Variants in MTFR2 observed in about 807,000 individuals in gnomAD.
MTFR2 encodes the protein mitochondrial fission regulator 2.
A neutral mutation model predicts 41.2 loss-of-function variants in MTFR2; 44 were observed. That is an observed-to-expected ratio of 1.07 (90% confidence interval 0.84 to 1.37). MTFR2 has a LOEUF of 1.37. Among genes scored for constraint, MTFR2 ranks in the 40% most tolerant of loss-of-function variants. The pLI is 0.00. For missense variants in MTFR2, 452 were observed against 459.5 expected, an observed-to-expected ratio of 0.98 and a Z score of 0.15; for synonymous variants, 141 against 154.6, an observed-to-expected ratio of 0.91 and a Z score of 0.65.
intron 1 of MTFR2, among the ~76,000 whole-genome samples, chr6:136,249,606 T>A (rs983450815): frequency 1.1e-4 from 16 of 152,024 alleles, no homozygotes; most frequent in African/African-American, 3.9e-4. Context: ...GTGTCAAGGG[T>A]GGGGCCAGGT....
At chr6:136,240,904 A>C (rs558482351) in intron 5 of MTFR2, among the ~76,000 whole-genome samples, 1 of 152,176 alleles carries the variant, frequency 6.6e-6, no homozygotes, top group Non-Finnish European at 1.5e-5. Flanking sequence ...ATCCTGGCTA[A>C]CACGGTGAAA....
Position 136,239,751 on chromosome 6 carries a change from C to G in MTFR2, c.584G>C (p.Ser195Thr). Reference sequence around the variant, plus strand: ...ACCTGGAAGCTGATCTGGGTCCACACTCAGATGGGCAGCCCGCGATGATGA... The same window carrying G: ...ACCTGGAAGCTGATCTGGGTCCACAGTCAGATGGGCAGCCCGCGATGATGA... ...QLSSSRAAHL[S>T]VDPDQLPGSV... The change falls in exon 6 of 8, where the codon AGT (serine) becomes ACT (threonine). Residue 195 changes from serine to threonine, a missense_variant. Transcript: ENST00000420702. The G allele has an allele frequency of 2.5e-6, 4 of 1,614,098 alleles. No individual in the cohort carries two copies. Among genetic ancestry groups the G allele is most frequent in the Non-Finnish European group, 3.4e-6 (4 of 1,180,020 alleles).
intron 2 of MTFR2, chr6:136,247,631 C>T: frequency 2.3e-6 from 1 of 434,886 alleles, no homozygotes; most frequent in Non-Finnish European, 4.6e-6. Flanking sequence ...TTTCTTTTCA[C>T]AAGCAAACTT....
intron 5 of MTFR2, among the ~76,000 whole-genome samples, chr6:136,240,574 G>A (rs1002667746): frequency 2.0e-5 from 3 of 152,044 alleles, no homozygotes; most frequent in Admixed American, 6.6e-5. Context: ...TTTTATACAC[G>A]CATACATACA....
rs71006791 is a variant in MTFR2 at position 136,231,669 on chromosome 6, TAAAAAAAAAA to T, written c.1045-291_1045-282del. Among the ~76,000 whole-genome samples the T allele has an allele frequency of 4.1e-3, 337 of 82,948 alleles. 2 individuals are homozygous for T. Among genetic ancestry groups the T allele is most frequent in the African/African-American group, 0.015 (322 of 21,330 alleles). The allele number at this position is 82,948 out of a possible 152,430, so 54.4% of individuals were successfully genotyped here. On this transcript the variant is annotated intron_variant, in intron 7 of 7. Coordinates refer to ENST00000420702, the MANE Select transcript of MTFR2 (RefSeq NM_001099286.3). ...CTGAAATTAAGTGCTAAAAACTATG[TAAAAAAAAAA>T]AAAAAAAAAAAAAGAAGATTATCTA...
rs545687216 is a variant in MTFR2 at position 136,235,888 on chromosome 6, C to T, written c.870-2389G>A. On this transcript the variant is annotated intron_variant, in intron 6 of 7. Coordinates refer to ENST00000420702, the MANE Select transcript of MTFR2 (RefSeq NM_001099286.3). ...CAGAGGTTGCAGTGAGCCGAGATCA[C>T]GCCACTGCACTCCAGCCTGGCAACA... is the stretch of plus-strand genomic sequence containing the variant. Among the ~76,000 whole-genome samples the T allele has an allele frequency of 2.6e-5, 4 of 152,026 alleles. No homozygotes were observed. In the South Asian group the frequency reaches 6.2e-4, roughly 24 times the overall value.
intron 5 of MTFR2, among the ~76,000 whole-genome samples, chr6:136,240,822 T>G (rs112454588): frequency 6.6e-6 from 1 of 151,852 alleles, no homozygotes; most frequent in Non-Finnish European, 1.5e-5. Context: ...CCGGGCGCGG[T>G]GGCTCACGCC....
intron 6 of MTFR2, among the ~76,000 whole-genome samples, chr6:136,238,802 C>T (rs1195364981): frequency 1.3e-5 from 2 of 152,088 alleles, no homozygotes; most frequent in Non-Finnish European, 2.9e-5. Flanking sequence ...CACAGTGGCT[C>T]ACACCTGTAA....
intron 7 of MTFR2, among the ~76,000 whole-genome samples, chr6:136,232,347 C>T (rs1038222390): frequency 2.6e-5 from 4 of 152,112 alleles, no homozygotes; most frequent in Non-Finnish European, 4.4e-5. Context: ...CTCCACCTCC[C>T]GGGTTCAACC....
In MTFR2 at chr6:136,242,986, A is replaced by G; in HGVS notation, c.169-13T>C. ...AGAGCGGGATCAACTAAAGTAAAAA[A>G]AGAAAAAAATAGTCAGAGCTCTGCA... On this transcript the variant is annotated splice_polypyrimidine_tract_variant and intron_variant, in intron 3 of 7. Transcript: ENST00000420702. 2.5e-6 allele frequency: 4 copies of G among 1,582,456 alleles called. No individual in the cohort carries two copies. The highest frequency in any genetic ancestry group is 2.6e-6 in the Non-Finnish European group (3 of 1,168,404).
At chr6:136,241,767 G>C in intron 4 of MTFR2, 91 bp from the exon 5 acceptor site, 54 of 979,226 alleles carry the variant, frequency 5.5e-5, no homozygotes, top group Admixed American at 2.8e-5. Flanking sequence ...AAAATCAAAA[G>C]ACAATAAAAC....
At chr6:136,240,918 C>A (rs185426132) in intron 5 of MTFR2, among the ~76,000 whole-genome samples, 5,661 of 146,736 alleles carry the variant, frequency 0.039, 230 homozygotes, top group African/African-American at 0.15. Flanking sequence ...GGTGAAACCC[C>A]GTCTCTACTA....
intron 6 of MTFR2, among the ~76,000 whole-genome samples, chr6:136,238,441 AT>A (rs1179752859): frequency 6.6e-6 from 1 of 151,862 alleles, no homozygotes; most frequent in Non-Finnish European, 1.5e-5. Context: ...TCCTGTCTCT[AT>A]TTTTTTTAAT....
rs549953544 is a variant in MTFR2 at position 136,249,139 on chromosome 6, T to A, written c.-40A>T. 6.5e-7 allele frequency: 1 copy of A among 1,528,884 alleles called. No individual in the cohort carries two copies. The highest frequency in any genetic ancestry group is 8.8e-7 in the Non-Finnish European group (1 of 1,139,384). 94.7% of individuals were successfully genotyped at this position (1,528,884 alleles called of 1,614,324 possible). ...CAGAAGCCAATTCAAAGGAACATTA[T>A]CAGTTTCTTGGTGCCTTTGGGGAAA... is the stretch of plus-strand genomic sequence containing the variant. On this transcript the variant is annotated 5_prime_UTR_variant, in exon 2 of 8. Coordinates refer to ENST00000420702, the MANE Select transcript of MTFR2 (RefSeq NM_001099286.3).
At chr6:136,232,865 T>C (rs547730091) in intron 7 of MTFR2, among the ~76,000 whole-genome samples, 5 of 152,366 alleles carry the variant, frequency 3.3e-5, no homozygotes, top group South Asian at 2.1e-4. Context: ...AAGATAACTA[T>C]AATCCCATTT....
intron 2 of MTFR2, among the ~76,000 whole-genome samples, chr6:136,245,635 AAAC>A (rs1372454107): frequency 6.6e-6 from 1 of 152,196 alleles, no homozygotes; most frequent in Non-Finnish European, 1.5e-5. Context: ...CTCAGCTGTT[AAAC>A]AACAGCAACA....
chr6:136,241,171 GTTC>G (rs749598780), intron 5 of MTFR2, among the ~76,000 whole-genome samples: 1 of 151,470 alleles, frequency 6.6e-6, no homozygotes, highest in Non-Finnish European at 1.5e-5. Context: ...AGTAAAGCTA[GTTC>G]TTCTTTAAAT....
intron 6 of MTFR2, among the ~76,000 whole-genome samples, chr6:136,235,614 G>A (rs1339189517): frequency 1.3e-5 from 2 of 152,136 alleles, no homozygotes; most frequent in Non-Finnish European, 2.9e-5. Flanking sequence ...AAACCTGGGG[G>A]TATGCTTTCC....
At chr6:136,236,796 T>C (rs977821378) in intron 6 of MTFR2, among the ~76,000 whole-genome samples, 3 of 152,180 alleles carry the variant, frequency 2.0e-5, no homozygotes, top group Admixed American at 1.3e-4. Context: ...ACAGAAAATA[T>C]ATCTATTTTC....
Sources: gnomAD v4.1 joint callset for allele counts (sites outside exome capture counted in the v4.1 genomes callset) on GRCh38, gnomAD v4.1.1 for gene constraint, MANE v1.5 for transcripts, NCBI Gene and HGNC (gene_info 2026-07-23, HGNC 2026-07-21) for gene names.